DACH1: variants seen among roughly 807,000 people sequenced by gnomAD.
DACH1 encodes dachshund family transcription factor 1.
Under a neutral mutation model 54.2 loss-of-function variants are expected in DACH1, and 12 were observed. The observed-to-expected ratio is 0.22, with a 90% CI of 0.14 to 0.36. The LOEUF (loss-of-function observed/expected upper bound fraction) is 0.36, where lower values mean the gene tolerates loss of function less well. DACH1 is among the 10% of genes least tolerant of loss of function. The pLI is 1.00. For missense variants in DACH1, 805 were observed against 929.8 expected (o/e 0.87, Z 1.75); for synonymous variants, 386 against 366.2 (o/e 1.05, Z -0.62).
chr13:71,800,606 A>G (rs1458894426), intron 1 of DACH1, among the ~76,000 whole-genome samples: 1 of 152,114 alleles, frequency 6.6e-6, no homozygotes, highest in Non-Finnish European at 1.5e-5. Context: ...TAAAGTTCAT[A>G]AAACTAAGAT....
intron 3 of DACH1, among the ~76,000 whole-genome samples, chr13:71,609,864 T>G (rs951940830): frequency 2.6e-5 from 4 of 152,110 alleles, no homozygotes; most frequent in South Asian, 2.1e-4. Flanking sequence ...ATAAAAAATT[T>G]TATTATTAAA....
At chr13:71,860,592 C>G (rs1874289110) in intron 1 of DACH1, among the ~76,000 whole-genome samples, 1 of 151,844 alleles carries the variant, frequency 6.6e-6, no homozygotes, top group South Asian at 2.1e-4. Flanking sequence ...GATGACTCAC[C>G]TGTACCTATT....
chr13:71,545,152 T>C lies in DACH1; in HGVS notation c.1570+11872A>G, dbSNP rs535506908. Among the ~76,000 whole-genome samples, 4 of 152,184 alleles carry C rather than the reference T, an allele frequency of 2.6e-5. No individual in the cohort carries two copies. In the East Asian group the frequency reaches 5.8e-4, roughly 22 times the overall value. On this transcript the variant is annotated intron_variant, in intron 6 of 10. Transcript: ENST00000613252. ...GTACTACAAACTGAATTTTTACCGATGAAGAAACTGAAGGTCACGGACATT... is the reference window on the plus strand; with the variant it reads ...GTACTACAAACTGAATTTTTACCGACGAAGAAACTGAAGGTCACGGACATT...
At chr13:71,648,461 T>A (rs971669285) in intron 2 of DACH1, among the ~76,000 whole-genome samples, 2 of 152,026 alleles carry the variant, frequency 1.3e-5, no homozygotes, top group African/African-American at 2.4e-5. Flanking sequence ...GCTTTAAGAG[T>A]ACATGTGTTT....
At chr13:71,520,752 A>C (rs1337158605) in intron 6 of DACH1, among the ~76,000 whole-genome samples, 3 of 151,878 alleles carry the variant, frequency 2.0e-5, no homozygotes, top group African/African-American at 7.2e-5. Flanking sequence ...GATATCAGGA[A>C]GTATATGAAA....
At chr13:71,601,844 GA>G (rs1249558912) in intron 3 of DACH1, among the ~76,000 whole-genome samples, 1 of 151,918 alleles carries the variant, frequency 6.6e-6, no homozygotes, top group Non-Finnish European at 1.5e-5. Context: ...TGGGTTGCCA[GA>G]ATATGCTATT....
intron 3 of DACH1, among the ~76,000 whole-genome samples, chr13:71,595,139 C>A (rs1314095619): frequency 1.3e-5 from 2 of 152,132 alleles, no homozygotes; most frequent in East Asian, 1.9e-4. Context: ...TGAAGAGGAT[C>A]TCAAGAAGAT....
intron 6 of DACH1, among the ~76,000 whole-genome samples, chr13:71,508,975 A>G (rs1304970549): frequency 1.3e-5 from 2 of 152,058 alleles, no homozygotes; most frequent in Non-Finnish European, 2.9e-5. Flanking sequence ...CTTCTCACAT[A>G]TACACTCACC....
intron 1 of DACH1, among the ~76,000 whole-genome samples, chr13:71,696,420 AAAG>A (rs1184976675): frequency 6.6e-6 from 1 of 152,216 alleles, no homozygotes; most frequent in Non-Finnish European, 1.5e-5. Flanking sequence ...ACAGACTGCT[AAAG>A]AAGTAGGACC....
chr13:71,518,936 T>C (rs761925224), intron 6 of DACH1, among the ~76,000 whole-genome samples: 5 of 151,908 alleles, frequency 3.3e-5, no homozygotes, highest in Admixed American at 6.6e-5. Context: ...CTGAAATTTT[T>C]ATGAAACTCA....
chr13:71,668,712 G>A (rs1049287020), intron 2 of DACH1, among the ~76,000 whole-genome samples: 1 of 151,940 alleles, frequency 6.6e-6, no homozygotes, highest in East Asian at 1.9e-4. Flanking sequence ...ATTGCTTCAG[G>A]TCAAGAGGTC....
At chr13:71,484,100 C>A (rs1270007911) in intron 7 of DACH1, among the ~76,000 whole-genome samples, 1 of 152,146 alleles carries the variant, frequency 6.6e-6, no homozygotes, top group Non-Finnish European at 1.5e-5. Flanking sequence ...CTCCTAGATA[C>A]CATGGTTGGA....
intron 10 of DACH1, among the ~76,000 whole-genome samples, chr13:71,459,650 C>A (rs948714436): frequency 6.6e-6 from 1 of 151,302 alleles, no homozygotes; most frequent in Non-Finnish European, 1.5e-5. Context: ...GAAATTAAGC[C>A]CAAAGAAGAA....
intron 3 of DACH1, among the ~76,000 whole-genome samples, chr13:71,622,815 C>T (rs539806662): frequency 2.0e-5 from 3 of 151,606 alleles, no homozygotes; most frequent in Admixed American, 6.6e-5. Flanking sequence ...CTTTTATTTC[C>T]TAATATGATA....
At chr13:71,829,172 A>G (rs1041820521) in intron 1 of DACH1, among the ~76,000 whole-genome samples, 2 of 151,926 alleles carry the variant, frequency 1.3e-5, no homozygotes, top group Non-Finnish European at 2.9e-5. Context: ...TTTTATATAC[A>G]TGCTTTGACC....
At chr13:71,593,906 CTAAA>C (rs1330635261) in intron 3 of DACH1, among the ~76,000 whole-genome samples, 1 of 151,266 alleles carries the variant, frequency 6.6e-6, no homozygotes, top group Non-Finnish European at 1.5e-5. Context: ...CTAAATGTTC[CTAAA>C]TAAATAAAAT....
At chr13:71,588,249 A>G (rs947308069) in intron 3 of DACH1, among the ~76,000 whole-genome samples, 5 of 152,128 alleles carry the variant, frequency 3.3e-5, no homozygotes, top group Non-Finnish European at 5.9e-5. Flanking sequence ...TGACATCATC[A>G]TGTAAAAAGA....
chr13:71,842,179 A>G (rs1281853262), intron 1 of DACH1, among the ~76,000 whole-genome samples: 1 of 152,226 alleles, frequency 6.6e-6, no homozygotes, highest in Admixed American at 6.5e-5. Context: ...TAAGACTGCT[A>G]TGAGGATTAA....
At chr13:71,540,015 A>C (rs74095966) in intron 6 of DACH1, among the ~76,000 whole-genome samples, 2 of 152,130 alleles carry the variant, frequency 1.3e-5, no homozygotes, top group Middle Eastern at 3.4e-3. Context: ...AAAATGATCT[A>C]TCATTGGCAT....
Sources: allele counts gnomAD v4.1 joint callset (sites outside exome capture counted in the v4.1 genomes callset), GRCh38; gene constraint gnomAD v4.1.1; transcripts MANE v1.5; gene names NCBI Gene and HGNC (gene_info 2026-07-23, HGNC 2026-07-21).